PRKN: variants seen among roughly 807,000 people sequenced by gnomAD.
The protein encoded by PRKN is parkin RBR E3 ubiquitin protein ligase.
PRKN carries 56 observed loss-of-function variants against 59.5 expected under a neutral mutation model. The observed-to-expected ratio is 0.94, with a 90% CI of 0.76 to 1.18. PRKN has a LOEUF of 1.18. PRKN is among the 50% of genes most tolerant of loss of function. The pLI, the probability that PRKN is intolerant of heterozygous loss-of-function variation, is 0.00. For synonymous variants in PRKN, 250 were observed against 222.1 expected (o/e 1.13, Z -1.12); for missense variants, 657 against 596.4 (o/e 1.10, Z -1.06).
At chr6:161,705,288 T>G (rs1360383217) in intron 7 of PRKN, among the ~76,000 whole-genome samples, 1 of 152,216 alleles carries the variant, frequency 6.6e-6, no homozygotes, top group Non-Finnish European at 1.5e-5. Flanking sequence ...ACCTTAAATG[T>G]GCTCAGAACA....
chr6:161,512,803 T>C (rs1287349519), intron 9 of PRKN, among the ~76,000 whole-genome samples: 3 of 152,178 alleles, frequency 2.0e-5, no homozygotes, highest in African/African-American at 7.2e-5. Flanking sequence ...CACACAGCTA[T>C]GGGGGCTGGA....
chr6:162,688,659 C>T (rs774153559), intron 1 of PRKN, among the ~76,000 whole-genome samples: 4 of 152,162 alleles, frequency 2.6e-5, no homozygotes, highest in Non-Finnish European at 5.9e-5. Context: ...TACATTTCAA[C>T]GTGGCTACAA....
At chr6:162,030,836 A>G (rs989148616) in intron 5 of PRKN, among the ~76,000 whole-genome samples, 2 of 152,160 alleles carry the variant, frequency 1.3e-5, no homozygotes, top group Non-Finnish European at 2.9e-5. Flanking sequence ...TTAACGAAAC[A>G]TCTCTATCAA....
At chr6:162,439,340 TTCTCTCTC>T (rs35631679) in intron 2 of PRKN, among the ~76,000 whole-genome samples, 47 of 134,800 alleles carry the variant, frequency 3.5e-4, no homozygotes, top group Middle Eastern at 3.8e-3. Flanking sequence ...TACCCCTCCC[TTCTCTCTC>T]TCTCTCTCTC....
intron 6 of PRKN, among the ~76,000 whole-genome samples, chr6:161,942,670 A>C (rs1779609473): frequency 6.6e-6 from 1 of 152,114 alleles, no homozygotes; most frequent in Non-Finnish European, 1.5e-5. Flanking sequence ...AAATGAAAAA[A>C]CTCAAGAGAT....
chr6:162,225,242 C>A (rs554541374), intron 3 of PRKN, among the ~76,000 whole-genome samples: 1 of 152,288 alleles, frequency 6.6e-6, no homozygotes, highest in South Asian at 2.1e-4. Context: ...AGAACCCACT[C>A]TTGTCAGATG....
At chr6:161,930,330 T>C (rs755286116) in intron 6 of PRKN, among the ~76,000 whole-genome samples, 42 of 152,206 alleles carry the variant, frequency 2.8e-4, no homozygotes, top group African/African-American at 8.2e-4. Context: ...CAATAATAAA[T>C]AGTGTCCAGA....
intron 1 of PRKN, among the ~76,000 whole-genome samples, chr6:162,709,013 T>C (rs569679578): frequency 1.3e-5 from 2 of 152,226 alleles, no homozygotes; most frequent in South Asian, 2.1e-4. Flanking sequence ...GTGAACCCTA[T>C]TGTGAACTCT....
intron 5 of PRKN, among the ~76,000 whole-genome samples, chr6:161,985,185 C>T (rs1781391284): frequency 6.6e-6 from 1 of 152,150 alleles, no homozygotes; most frequent in Admixed American, 6.5e-5. Context: ...AATTTTGTAG[C>T]CTAGCCCGAC....
intron 6 of PRKN, among the ~76,000 whole-genome samples, chr6:161,872,978 A>C (rs111637407): frequency 0.061 from 5,545 of 91,050 alleles, 355 homozygotes; most frequent in African/African-American, 0.18. Flanking sequence ...TTTTTTTCCA[A>C]AAAACCTAGA....
At chr6:162,028,533 C>A (rs756736548) in intron 5 of PRKN, among the ~76,000 whole-genome samples, 3 of 152,150 alleles carry the variant, frequency 2.0e-5, no homozygotes, top group Non-Finnish European at 4.4e-5. Flanking sequence ...GCACGGAAAT[C>A]TTTCTTTAGG....
chr6:162,443,463 C>A lies in PRKN; in HGVS notation c.18G>T (p.Arg6Ser), dbSNP rs758661420. Residue 6 changes from arginine to serine, a missense_variant, in exon 2 of 12, where the codon AGG becomes AGT. Coordinates refer to ENST00000366898, the MANE Select transcript of PRKN (RefSeq NM_004562.3). The stretch of plus-strand genomic sequence containing the variant: ...CTGGGAAACCATGGCTGGAGTTGAA[C>A]CTGACAAACACTGACCAAGGAAATT... MIVFV[R>S]FNSSHGFPVE... is the part of the protein sequence containing the mutation. 6 of 1,614,016 alleles carry A rather than the reference C, an allele frequency of 3.7e-6. No homozygotes were observed. In the South Asian group the frequency reaches 6.6e-5, roughly 18 times the overall value.
intron 2 of PRKN, among the ~76,000 whole-genome samples, chr6:162,385,105 T>C (rs1786730348): frequency 6.6e-6 from 1 of 152,152 alleles, no homozygotes; most frequent in Non-Finnish European, 1.5e-5. Context: ...ATATTAATTA[T>C]CTTTTTAAAA....
intron 4 of PRKN, among the ~76,000 whole-genome samples, chr6:162,118,898 T>A (rs1021732421): frequency 2.0e-5 from 3 of 152,134 alleles, no homozygotes; most frequent in Admixed American, 1.3e-4. Context: ...TAGACTTGCG[T>A]TTCTAATTAT....
At chr6:162,671,856 T>G (rs1455153323) in intron 1 of PRKN, among the ~76,000 whole-genome samples, 1 of 151,910 alleles carries the variant, frequency 6.6e-6, no homozygotes, top group African/African-American at 2.4e-5. Flanking sequence ...TAAATGGAAA[T>G]CAGGCAGGTG....
Position 161,786,083 on chromosome 6 carries a change from GCACTCAATGAACTA to G in PRKN, c.735-189_735-176del, listed in dbSNP as rs1436793619. 2.0e-5 allele frequency among the ~76,000 whole-genome samples: 3 copies of G among 152,158 alleles called. No homozygotes were observed. The East Asian group carries it at 5.8e-4, about 29-fold the overall frequency. On this transcript the variant is annotated intron_variant, in intron 6 of 11. Coordinates refer to ENST00000366898, the MANE Select transcript of PRKN (RefSeq NM_004562.3). ...CAACACAACATCTTAAAAATTGGAGGCACTCAATGAACTACATAGAAAACTGATTCTCCTAATTT... is the reference window on the plus strand; with the variant it reads ...CAACACAACATCTTAAAAATTGGAGGCATAGAAAACTGATTCTCCTAATTT...
chr6:162,274,552 C>A (rs2128104363), intron 2 of PRKN, among the ~76,000 whole-genome samples: 1 of 152,126 alleles, frequency 6.6e-6, no homozygotes, highest in African/African-American at 2.4e-5. Context: ...GTGTATAATT[C>A]AGCAGTGTTT....
Position 161,478,031 on chromosome 6 carries a change from G to A in PRKN, c.1083+70823C>T, listed in dbSNP as rs1175502911. On this transcript the variant is annotated intron_variant, in intron 9 of 11. Transcript: ENST00000366898. Reference sequence around the variant, plus strand: ...ATTTAACAAGGAGCAGTTGCAATGTGTTCCATTTTAGCTATTCTGAGGACA... The same window carrying A: ...ATTTAACAAGGAGCAGTTGCAATGTATTCCATTTTAGCTATTCTGAGGACA... Among the ~76,000 whole-genome samples the A allele has an allele frequency of 3.9e-5, 6 of 152,320 alleles. No homozygotes were observed. In the East Asian group the frequency reaches 9.6e-4, roughly 24 times the overall value.
At chr6:162,703,225 CATTTAT>C (rs1432782425) in intron 1 of PRKN, among the ~76,000 whole-genome samples, 6 of 152,144 alleles carry the variant, frequency 3.9e-5, no homozygotes. Flanking sequence ...TCATTTCTGA[CATTTAT>C]ATTTAAAGAC....
Sources: allele counts gnomAD v4.1 joint callset (sites outside exome capture counted in the v4.1 genomes callset), GRCh38; gene constraint gnomAD v4.1.1; transcripts MANE v1.5; gene names NCBI Gene and HGNC (gene_info 2026-07-23, HGNC 2026-07-21).